GOLPH3: variants seen among roughly 807,000 people sequenced by gnomAD.
GOLPH3 encodes coat protein GPP34.
GOLPH3 carries 14 observed loss-of-function variants against 28.5 expected under a neutral mutation model. The observed-to-expected ratio is 0.49, with a 90% CI of 0.32 to 0.77. The LOEUF is 0.77. Ranked by LOEUF, GOLPH3 falls within the 30% of genes least tolerant of loss-of-function variation. GOLPH3 has a pLI of 0.03. For synonymous variants in GOLPH3, 158 were observed against 159.2 expected (o/e 0.99, Z 0.06); for missense variants, 350 against 393.7 (o/e 0.89, Z 0.94).
intron 2 of GOLPH3, among the ~76,000 whole-genome samples, chr5:32,136,798 T>C (rs1482601739): frequency 6.6e-6 from 1 of 152,170 alleles, no homozygotes; most frequent in Non-Finnish European, 1.5e-5. Context: ...ATCCAGAAAA[T>C]TCCAAAATCT....
intron 3 of GOLPH3, among the ~76,000 whole-genome samples, chr5:32,133,792 C>T (rs1022336930): frequency 1.3e-5 from 2 of 152,016 alleles, no homozygotes; most frequent in African/African-American, 4.8e-5. Context: ...AAGCCCTCAT[C>T]AAATGGGCAA....
chr5:32,155,956 CAAAAAAAAAAAAAAAAAA>C (rs70961608), intron 1 of GOLPH3, among the ~76,000 whole-genome samples: 1,066 of 47,792 alleles, frequency 0.022, 25 homozygotes, highest in African/African-American at 0.054. Flanking sequence ...AACACTGTCT[CAAAAAAAAAAAAAAAAAA>C]AAAAAAAAAA....
intron 3 of GOLPH3, among the ~76,000 whole-genome samples, chr5:32,134,055 A>G (rs1010984809): frequency 3.1e-4 from 47 of 152,184 alleles, no homozygotes; most frequent in African/African-American, 1.1e-3. Context: ...AATGGAGTGT[A>G]TGTACTTAAT....
At chr5:32,129,823 T>C (rs1271211849) in intron 3 of GOLPH3, among the ~76,000 whole-genome samples, 3 of 151,192 alleles carry the variant, frequency 2.0e-5, no homozygotes, top group East Asian at 3.9e-4. Context: ...GGCACACATC[T>C]TTCAAAAGTG....
chr5:32,161,315 A>C (rs1450780564), intron 1 of GOLPH3, among the ~76,000 whole-genome samples: 2 of 149,858 alleles, frequency 1.3e-5, no homozygotes, highest in African/African-American at 2.5e-5. Context: ...AGGTGGGAGG[A>C]TCACCTGAGC....
intron 2 of GOLPH3, among the ~76,000 whole-genome samples, chr5:32,141,617 C>T (rs980039042): frequency 1.3e-4 from 20 of 150,882 alleles, no homozygotes; most frequent in Non-Finnish European, 2.5e-4. Context: ...TCTCCCTCCT[C>T]TCCCTCTCTT....
At chr5:32,161,353 G>C (rs1746571900) in intron 1 of GOLPH3, among the ~76,000 whole-genome samples, 1 of 142,564 alleles carries the variant, frequency 7.0e-6, no homozygotes, top group South Asian at 2.2e-4. Context: ...GCAGTGAGCA[G>C]AGATCACACC....
chr5:32,163,397 CG>C (rs1746636437), intron 1 of GOLPH3, among the ~76,000 whole-genome samples: 1 of 152,026 alleles, frequency 6.6e-6, no homozygotes, highest in Admixed American at 6.6e-5. Context: ...TCTTTGTGGC[CG>C]GGGGCACAGC....
intron 2 of GOLPH3, among the ~76,000 whole-genome samples, chr5:32,141,664 C>G (rs1301261282): frequency 1.3e-5 from 2 of 152,228 alleles, no homozygotes; most frequent in Non-Finnish European, 2.9e-5. Context: ...CAAAGCTGGA[C>G]GGTACTGCTG....
intron 1 of GOLPH3, among the ~76,000 whole-genome samples, chr5:32,158,402 C>A (rs1746502769): frequency 6.6e-6 from 1 of 152,150 alleles, no homozygotes; most frequent in African/African-American, 2.4e-5. Flanking sequence ...CCTTTGTTCA[C>A]AACTCCTGCC....
At chr5:32,167,148 A>G (rs984996930) in intron 1 of GOLPH3, among the ~76,000 whole-genome samples, 1 of 152,200 alleles carries the variant, frequency 6.6e-6, no homozygotes, top group Non-Finnish European at 1.5e-5. Context: ...ATCTATCAAA[A>G]TAACTTCAAA....
At chr5:32,165,591 A>G (rs1323587124) in intron 1 of GOLPH3, among the ~76,000 whole-genome samples, 1 of 150,912 alleles carries the variant, frequency 6.6e-6, no homozygotes, top group African/African-American at 2.4e-5. Context: ...TCAGAAGAGA[A>G]AAAAAAAAAA....
intron 2 of GOLPH3, among the ~76,000 whole-genome samples, chr5:32,138,265 A>C (rs1427877130): frequency 6.6e-6 from 1 of 152,178 alleles, no homozygotes; most frequent in Non-Finnish European, 1.5e-5. Context: ...AGTGTCCTTT[A>C]CTTTGTCAAT....
At chr5:32,133,995 T>A (rs1334088755) in intron 3 of GOLPH3, among the ~76,000 whole-genome samples, 2 of 152,094 alleles carry the variant, frequency 1.3e-5, no homozygotes, top group Non-Finnish European at 2.9e-5. Flanking sequence ...TAAGAAAAAA[T>A]AATGAACCTT....
In GOLPH3 at chr5:32,152,080, A is replaced by C. The variant is rs113852099; in HGVS notation, c.226-8200T>G. Among the ~76,000 whole-genome samples, 1,501 of 152,212 alleles carry C rather than the reference A, an allele frequency of 9.9e-3. 25 individuals are homozygous for C. The highest frequency in any genetic ancestry group is 0.035 in the African/African-American group (1,459 of 41,504). ...CTACTTAATGCCACTAAACTGTACCACTTAAAAATGTTTTAAATGGTACAC... is the reference window on the plus strand; with the variant it reads ...CTACTTAATGCCACTAAACTGTACCCCTTAAAAATGTTTTAAATGGTACAC... On this transcript the variant is annotated intron_variant, in intron 1 of 3. Transcript: ENST00000265070.
intron 1 of GOLPH3, among the ~76,000 whole-genome samples, chr5:32,170,897 TAA>T: frequency 6.7e-6 from 1 of 149,996 alleles, no homozygotes; most frequent in East Asian, 1.9e-4. Context: ...TGGACTTGCC[TAA>T]AAAAAAAGAG....
chr5:32,153,157 T>C (rs1046308185), intron 1 of GOLPH3, among the ~76,000 whole-genome samples: 2 of 152,198 alleles, frequency 1.3e-5, no homozygotes, highest in Non-Finnish European at 2.9e-5. Context: ...AAAATATTTC[T>C]AAGTAATAGT....
At chr5:32,156,621 G>T (rs1047529080) in intron 1 of GOLPH3, among the ~76,000 whole-genome samples, 7 of 151,908 alleles carry the variant, frequency 4.6e-5, no homozygotes, top group Admixed American at 2.6e-4. Flanking sequence ...GGAGCGGCGG[G>T]GGGGATGGTT....
At chr5:32,164,023 T>C (rs1746651145) in intron 1 of GOLPH3, among the ~76,000 whole-genome samples, 1 of 152,222 alleles carries the variant, frequency 6.6e-6, no homozygotes, top group Non-Finnish European at 1.5e-5. Context: ...AAGGTAGTGG[T>C]GGAATACAAA....
Sources: gnomAD v4.1 joint callset for allele counts (sites outside exome capture counted in the v4.1 genomes callset) on GRCh38, gnomAD v4.1.1 for gene constraint, MANE v1.5 for transcripts, NCBI Gene and HGNC (gene_info 2026-07-23, HGNC 2026-07-21) for gene names.